Variants in CNTNAP5 observed in about 807,000 individuals in gnomAD.
CNTNAP5 encodes the protein contactin-associated protein-like 5.
A neutral mutation model predicts 150.2 loss-of-function variants in CNTNAP5; 72 were observed. The observed-to-expected ratio is 0.48, with a 90% CI of 0.40 to 0.58. The LOEUF (loss-of-function observed/expected upper bound fraction) is 0.58. Among genes scored for constraint, CNTNAP5 ranks in the 20% least tolerant of loss-of-function variants. The pLI is 0.00. For synonymous variants in CNTNAP5, 672 were observed against 619.8 expected (o/e 1.08, Z -1.25); for missense variants, 1,636 against 1,626.2 (o/e 1.01, Z -0.10).
rs1422138582 is a variant in CNTNAP5, at chr2:124,920,632, T to G, written c.*6344T>G. Among the ~76,000 whole-genome samples, 1 of 152,164 alleles carries G rather than the reference T, an allele frequency of 6.6e-6. No individual in the cohort carries two copies. The highest frequency in any genetic ancestry group is 1.5e-5 in the Non-Finnish European group (1 of 68,016). On this transcript the variant is annotated 3_prime_UTR_variant, in exon 24 of 24. Coordinates refer to ENST00000682447, the MANE Select transcript of CNTNAP5 (RefSeq NM_001367498.1). The stretch of plus-strand genomic sequence containing the variant: ...CCTGATATCCTGTGTTGCCTTGGAC[T>G]AACATTTTCCTTAGTCACTAGCCTA...
Position 124,186,912 on chromosome 2 carries a change from C to T in CNTNAP5, c.83-34793C>T, listed in dbSNP as rs567996991. ...TGCAAACTCAGTGTGTTGAGTGCTCCTGGGTCTTACATCCTTCTTGTGCTA... is the reference window on the plus strand; with the variant it reads ...TGCAAACTCAGTGTGTTGAGTGCTCTTGGGTCTTACATCCTTCTTGTGCTA... On this transcript the variant is annotated intron_variant, in intron 1 of 23. Transcript: ENST00000682447. Among the ~76,000 whole-genome samples, 5 of 152,254 alleles carry T rather than the reference C, an allele frequency of 3.3e-5. No homozygotes were observed. In the South Asian group the frequency reaches 6.2e-4, roughly 19 times the overall value.
At chr2:124,095,239 C>T (rs971837975) in intron 1 of CNTNAP5, among the ~76,000 whole-genome samples, 7 of 152,156 alleles carry the variant, frequency 4.6e-5, no homozygotes, top group Non-Finnish European at 1.0e-4. Context: ...CAAACTAACA[C>T]ATGAACAGAA....
At position 124,722,652 on chromosome 2, in the gene CNTNAP5, T is replaced by C. The variant is rs151084558; in HGVS notation, c.2078-24577T>C. On this transcript the variant is annotated intron_variant, in intron 13 of 23. Transcript: ENST00000682447. ...AGTTCCTGGGTGGTAGCCCCATCCA[T>C]AGGAGTTGGGTAATGGCAGCTGGGC... 6.6e-3 allele frequency among the ~76,000 whole-genome samples: 1,004 copies of C among 152,250 alleles called. 8 individuals carry two copies. Among genetic ancestry groups the C allele is most frequent in the African/African-American group, 0.022 (917 of 41,560 alleles).
chr2:124,548,853 T>G (rs1182042500), intron 10 of CNTNAP5, among the ~76,000 whole-genome samples: 1 of 152,166 alleles, frequency 6.6e-6, no homozygotes, highest in East Asian at 1.9e-4. Context: ...GATCAATAAT[T>G]GCAAATGTCA....
At chr2:124,719,218 G>A (rs1218883109) in intron 13 of CNTNAP5, among the ~76,000 whole-genome samples, 1 of 152,106 alleles carries the variant, frequency 6.6e-6, no homozygotes, top group Non-Finnish European at 1.5e-5. Flanking sequence ...CTCTCTTCAT[G>A]GGATATTGAA....
At chr2:124,701,452 A>G (rs1168817225) in intron 13 of CNTNAP5, among the ~76,000 whole-genome samples, 3 of 152,098 alleles carry the variant, frequency 2.0e-5, no homozygotes, top group Non-Finnish European at 2.9e-5. Context: ...TTGTTTTCAT[A>G]TATTGGGTAT....
At chr2:124,244,735 C>T (rs1686975553) in intron 3 of CNTNAP5, among the ~76,000 whole-genome samples, 1 of 152,066 alleles carries the variant, frequency 6.6e-6, no homozygotes, top group African/African-American at 2.4e-5. Context: ...TAGGCTCAAC[C>T]CTGGAAAAAT....
chr2:124,385,648 G>T (rs2565762), intron 3 of CNTNAP5, among the ~76,000 whole-genome samples: 56,029 of 152,054 alleles, frequency 0.37, 11,019 homozygotes, highest in South Asian at 0.53. Flanking sequence ...TACAGATGTT[G>T]AAGTAGTAAG....
intron 10 of CNTNAP5, among the ~76,000 whole-genome samples, chr2:124,560,568 T>C (rs1278099998): frequency 1.3e-5 from 2 of 152,110 alleles, no homozygotes; most frequent in African/African-American, 4.8e-5. Context: ...TTTTTCTTTT[T>C]GTAATTACAG....
At chr2:124,048,475 A>G (rs938312932) in intron 1 of CNTNAP5, among the ~76,000 whole-genome samples, 1 of 152,120 alleles carries the variant, frequency 6.6e-6, no homozygotes, top group Non-Finnish European at 1.5e-5. Context: ...ACCTGATAAC[A>G]TTTTGTTTGT....
chr2:124,606,007 A>C (rs756534350), intron 11 of CNTNAP5, among the ~76,000 whole-genome samples: 2 of 152,038 alleles, frequency 1.3e-5, no homozygotes, highest in Non-Finnish European at 2.9e-5. Flanking sequence ...CTCTTATGTT[A>C]ATTCTTACCT....
At chr2:124,235,216 G>T (rs569672703) in intron 2 of CNTNAP5, among the ~76,000 whole-genome samples, 41 of 152,150 alleles carry the variant, frequency 2.7e-4, no homozygotes, top group Non-Finnish European at 4.7e-4. Context: ...CACTCGCTGA[G>T]TTGAGGACAT....
chr2:124,309,390 T>C (rs901864277), intron 3 of CNTNAP5, among the ~76,000 whole-genome samples: 3 of 152,120 alleles, frequency 2.0e-5, no homozygotes, highest in African/African-American at 7.2e-5. Flanking sequence ...GAATAAGTAA[T>C]ATTGAGGGTA....
At chr2:124,092,829 A>T (rs1482087296) in intron 1 of CNTNAP5, among the ~76,000 whole-genome samples, 2 of 152,214 alleles carry the variant, frequency 1.3e-5, no homozygotes, top group African/African-American at 4.8e-5. Flanking sequence ...GGTGTAAAAA[A>T]GTACAAATAG....
At chr2:124,724,209 C>A (rs928991796) in intron 13 of CNTNAP5, among the ~76,000 whole-genome samples, 1 of 151,608 alleles carries the variant, frequency 6.6e-6, no homozygotes, top group African/African-American at 2.4e-5. Flanking sequence ...AATTCAGAGG[C>A]ATTCTGAGGT....
intron 7 of CNTNAP5, among the ~76,000 whole-genome samples, chr2:124,487,423 A>AT: frequency 6.6e-6 from 1 of 152,248 alleles, no homozygotes; most frequent in East Asian, 1.9e-4. Context: ...ATCCAAACAC[A>AT]TTTTAGGGTG....
chr2:124,257,124 C>G lies in CNTNAP5; in HGVS notation c.381+14731C>G, dbSNP rs115478254. Among the ~76,000 whole-genome samples, 1,160 of 152,276 alleles carry G rather than the reference C, an allele frequency of 7.6e-3. 16 individuals carry two copies. Among genetic ancestry groups the G allele is most frequent in the African/African-American group, 0.026 (1,077 of 41,562 alleles). The stretch of plus-strand genomic sequence containing the variant: ...AGGGAAGATTCTTCCCTGGGGTTTT[C>G]AGAGATCATGTGTCCCTGTTGGAAT... On this transcript the variant is annotated intron_variant, in intron 3 of 23. Coordinates refer to ENST00000682447, the MANE Select transcript of CNTNAP5 (RefSeq NM_001367498.1).
chr2:124,313,072 A>T (rs965220697), intron 3 of CNTNAP5, among the ~76,000 whole-genome samples: 1 of 152,212 alleles, frequency 6.6e-6, no homozygotes, highest in Admixed American at 6.5e-5. Context: ...AATAGACTGG[A>T]AATTACTGTG....
chr2:124,221,724 A>G lies in CNTNAP5; in HGVS notation c.102A>G (p.Leu34=). The G allele has an allele frequency of 1.2e-6, 2 of 1,610,702 alleles. No individual in the cohort carries two copies. The highest frequency in any genetic ancestry group is 1.7e-6 in the Non-Finnish European group (2 of 1,177,962). ...TTATAGACAACTGTGATGATCCACTAGCATCCCTGCTCTCTCCAATGGCTT... is the reference window on the plus strand; with the variant it reads ...TTATAGACAACTGTGATGATCCACTGGCATCCCTGCTCTCTCCAATGGCTT... ...TATNYNCDDP[L]ASLLSPMAFS... Residue 34 remains leucine (L), a synonymous_variant, in exon 2 of 24, where the codon CTA becomes CTG. Coordinates refer to ENST00000682447, the MANE Select transcript of CNTNAP5 (RefSeq NM_001367498.1).
Sources: allele counts gnomAD v4.1 joint callset (sites outside exome capture counted in the v4.1 genomes callset), GRCh38; gene constraint gnomAD v4.1.1; transcripts MANE v1.5; gene names NCBI Gene and HGNC (gene_info 2026-07-23, HGNC 2026-07-21).